GRID2: variants seen among roughly 807,000 people sequenced by gnomAD.
The protein encoded by GRID2 is glutamate receptor ionotropic, delta-2.
A neutral mutation model predicts 114.8 loss-of-function variants in GRID2; 33 were observed. The ratio of observed to expected loss-of-function variants is 0.29; its 90% CI spans 0.22 to 0.38. GRID2 has a LOEUF of 0.38. Ranked by LOEUF, GRID2 falls within the 10% of genes least tolerant of loss-of-function variation. The pLI is 1.00. For synonymous variants in GRID2, 505 were observed against 449.9 expected (o/e 1.12, Z -1.55); for missense variants, 1,184 against 1,257.7 (o/e 0.94, Z 0.89).
chr4:92,500,277 T>A (rs1723611484), intron 1 of GRID2, among the ~76,000 whole-genome samples: 1 of 152,238 alleles, frequency 6.6e-6, no homozygotes, highest in Non-Finnish European at 1.5e-5. Flanking sequence ...TAATTTCTAT[T>A]TTTGTGCTTC....
chr4:93,069,244 T>G lies in GRID2; in HGVS notation c.245-15751T>G, dbSNP rs1036085567. 7.5e-5 allele frequency among the ~76,000 whole-genome samples: 11 copies of G among 146,642 alleles called. No homozygotes were observed. The East Asian group carries it at 2.1e-3, about 27-fold the overall frequency. ...CAATCCATGTAATATTAATATATAA[T>G]TATATATTATATATGTGTGTGTGTA... On this transcript the variant is annotated intron_variant, in intron 2 of 15. Coordinates refer to ENST00000282020, the MANE Select transcript of GRID2 (RefSeq NM_001510.4).
At chr4:92,400,867 A>G (rs1016641032) in intron 1 of GRID2, among the ~76,000 whole-genome samples, 1 of 152,160 alleles carries the variant, frequency 6.6e-6, no homozygotes, top group Non-Finnish European at 1.5e-5. Flanking sequence ...AACTTCCTTC[A>G]TGTACTTACA....
intron 11 of GRID2, among the ~76,000 whole-genome samples, chr4:93,478,660 T>C (rs1471124277): frequency 6.6e-6 from 1 of 151,820 alleles, no homozygotes; most frequent in Non-Finnish European, 1.5e-5. Context: ...GTATAAACAT[T>C]TTATATTTTA....
chr4:92,693,593 T>C (rs1412805231), intron 2 of GRID2, among the ~76,000 whole-genome samples: 3 of 152,222 alleles, frequency 2.0e-5, no homozygotes, highest in Non-Finnish European at 4.4e-5. Context: ...AATGACTATA[T>C]TCCCATCTTA....
chr4:92,684,080 A>G (rs1299320830), intron 2 of GRID2, among the ~76,000 whole-genome samples: 1 of 152,050 alleles, frequency 6.6e-6, no homozygotes, highest in Non-Finnish European at 1.5e-5. Context: ...AAGGTTTAGA[A>G]AATTTGATGT....
chr4:92,540,271 G>T (rs1419346536), intron 1 of GRID2, among the ~76,000 whole-genome samples: 2 of 152,134 alleles, frequency 1.3e-5, no homozygotes, highest in Non-Finnish European at 2.9e-5. Flanking sequence ...AAAAGCAACG[G>T]CAACAAAAGC....
chr4:92,918,058 G>A (rs1748962283), intron 2 of GRID2, among the ~76,000 whole-genome samples: 1 of 152,006 alleles, frequency 6.6e-6, no homozygotes, highest in Non-Finnish European at 1.5e-5. Context: ...CCTTGAAGAG[G>A]TCCTTCACAT....
chr4:93,561,416 A>G (rs1338032908), intron 13 of GRID2, among the ~76,000 whole-genome samples: 1 of 152,102 alleles, frequency 6.6e-6, no homozygotes, highest in African/African-American at 2.4e-5. Context: ...GCAAAATTGA[A>G]AGGAAGGTAT....
intron 2 of GRID2, among the ~76,000 whole-genome samples, chr4:92,827,030 C>T (rs2149394057): frequency 6.6e-6 from 1 of 152,080 alleles, no homozygotes; most frequent in African/African-American, 2.4e-5. Context: ...TATGGGAAGG[C>T]TATTGAAATA....
chr4:93,018,333 T>C (rs1203812913), intron 2 of GRID2, among the ~76,000 whole-genome samples: 1 of 152,130 alleles, frequency 6.6e-6, no homozygotes, highest in Non-Finnish European at 1.5e-5. Context: ...CCTTTAGTTT[T>C]CACCATAACA....
chr4:92,476,647 C>A (rs1222923917), intron 1 of GRID2, among the ~76,000 whole-genome samples: 1 of 152,080 alleles, frequency 6.6e-6, no homozygotes. Context: ...ATATATATCT[C>A]AGAATCTACT....
chr4:92,980,318 T>G (rs1250948791), intron 2 of GRID2, among the ~76,000 whole-genome samples: 1 of 152,000 alleles, frequency 6.6e-6, no homozygotes, highest in African/African-American at 2.4e-5. Context: ...AAAAAAATGT[T>G]ATGAGAATTT....
intron 3 of GRID2, among the ~76,000 whole-genome samples, chr4:93,106,126 C>T (rs1413233096): frequency 1.3e-5 from 2 of 152,132 alleles, no homozygotes; most frequent in African/African-American, 4.8e-5. Flanking sequence ...CTGGAAACTA[C>T]AGAAACTTCT....
At chr4:93,672,393 AC>A (rs1181161420) in intron 14 of GRID2, among the ~76,000 whole-genome samples, 1 of 152,222 alleles carries the variant, frequency 6.6e-6, no homozygotes, top group Non-Finnish European at 1.5e-5. Flanking sequence ...GTGGGCAAGA[AC>A]CCCCATGGGC....
intron 9 of GRID2, among the ~76,000 whole-genome samples, chr4:93,407,734 TC>T (rs1766620730): frequency 8.2e-6 from 1 of 121,244 alleles, no homozygotes; most frequent in South Asian, 3.1e-4. Flanking sequence ...CTCCTCCTCC[TC>T]CTCCTCCTCC....
At chr4:92,484,949 A>G (rs970398510) in intron 1 of GRID2, among the ~76,000 whole-genome samples, 1 of 152,174 alleles carries the variant, frequency 6.6e-6, no homozygotes, top group East Asian at 1.9e-4. Flanking sequence ...GGAGGATTAC[A>G]TGGAAAACTT....
intron 3 of GRID2, among the ~76,000 whole-genome samples, chr4:93,104,122 T>G (rs1035422910): frequency 6.6e-6 from 1 of 152,106 alleles, no homozygotes; most frequent in African/African-American, 2.4e-5. Flanking sequence ...TTCCGCTTAT[T>G]AGTGAGAACA....
At chr4:93,733,404 A>G (rs1212850169) in intron 14 of GRID2, among the ~76,000 whole-genome samples, 1 of 152,164 alleles carries the variant, frequency 6.6e-6, no homozygotes, top group African/African-American at 2.4e-5. Context: ...GTAGATCAAA[A>G]CTAGTTTCTA....
At chr4:93,357,692 A>G (rs930752228) in intron 8 of GRID2, among the ~76,000 whole-genome samples, 1 of 151,656 alleles carries the variant, frequency 6.6e-6, no homozygotes, top group South Asian at 2.1e-4. Context: ...AATATAGTTT[A>G]TATTAAAATG....
Sources: allele counts gnomAD v4.1 joint callset (sites outside exome capture counted in the v4.1 genomes callset), GRCh38; gene constraint gnomAD v4.1.1; transcripts MANE v1.5; gene names NCBI Gene and HGNC (gene_info 2026-07-23, HGNC 2026-07-21).